The following ITSN1 variants were observed in gnomAD, a reference collection of about 807,000 sequenced individuals.
The protein encoded by ITSN1 is intersectin 1, also known as intersectin-1.
A neutral mutation model predicts 239.8 loss-of-function variants in ITSN1; 58 were observed. The observed-to-expected ratio is 0.24, with a 90% CI of 0.20 to 0.30. The LOEUF (loss-of-function observed/expected upper bound fraction) is 0.30. Ranked by LOEUF, ITSN1 falls within the 10% of genes least tolerant of loss-of-function variation. The pLI, the probability that ITSN1 is intolerant of heterozygous loss-of-function variation, is 1.00. For missense variants in ITSN1, 1,558 were observed against 2,103.3 expected, an observed-to-expected ratio of 0.74 and a Z score of 5.07; for synonymous variants, 780 against 770.8, an observed-to-expected ratio of 1.01 and a Z score of -0.20.
chr21:33,802,285 T>G (rs2072058782), intron 19 of ITSN1, 145 bp from the exon 20 acceptor site: 1 of 727,476 alleles, frequency 1.4e-6, no homozygotes, highest in Non-Finnish European at 2.4e-6. Flanking sequence ...CTTGTAATCC[T>G]AGGCCTGTTG....
Position 33,886,466 on chromosome 21 carries a change from T to A in ITSN1, c.5017+6T>A. On this transcript the variant is annotated splice_donor_region_variant and intron_variant, in intron 39 of 39. Transcript: ENST00000381318. The stretch of plus-strand genomic sequence containing the variant: ...GGACCAGTTCTCACCAGATGGTGAG[T>A]GGAACGCGGCCCTGTGGTTATTCCT... 6.4e-7 allele frequency: 1 copy of A among 1,558,452 alleles called. No homozygotes were observed. Among genetic ancestry groups the A allele is most frequent in the African/African-American group, 1.4e-5 (1 of 72,638 alleles).
chr21:33,888,058 T>A lies in ITSN1; in HGVS notation c.5018-94T>A, dbSNP rs531275683. 20 of 1,269,822 alleles carry A rather than the reference T, an allele frequency of 1.6e-5. No individual in the cohort carries two copies. The African/African-American group carries it at 2.4e-4, about 15-fold the overall frequency. 78.7% of individuals were successfully genotyped at this position (1,269,822 alleles called of 1,614,324 possible). On this transcript the variant is annotated intron_variant, in intron 39 of 39. Transcript: ENST00000381318. ...AGAGCCCAGAGAAGAAGGGAGAGCA[T>A]AACAGTTCATCAGGGGGTCCCCAAT...
chr21:33,710,321 G>A (rs537115084), intron 1 of ITSN1, among the ~76,000 whole-genome samples: 4 of 151,546 alleles, frequency 2.6e-5, no homozygotes, highest in African/African-American at 7.3e-5. Flanking sequence ...CTCGTGAACC[G>A]CCCGTCCCAA....
At chr21:33,805,039 C>T (rs745644318) in intron 20 of ITSN1, among the ~76,000 whole-genome samples, 23 of 152,114 alleles carry the variant, frequency 1.5e-4, no homozygotes, top group Non-Finnish European at 8.8e-5. Flanking sequence ...AGGGAGCTTC[C>T]AAAAAATAAC....
rs969520144 is a variant in ITSN1, at chr21:33,815,791, A to G, written c.2727+1719A>G. ...GAAGATAAAGCCAAGAAAAATGTTC[A>G]AGTTGGGCTGCATGATATTGTTCTC... On this transcript the variant is annotated intron_variant, in intron 22 of 39. Coordinates refer to ENST00000381318, the MANE Select transcript of ITSN1 (RefSeq NM_003024.3). Among the ~76,000 whole-genome samples the G allele has an allele frequency of 5.3e-5, 8 of 152,122 alleles. No individual in the cohort carries two copies. The East Asian group carries it at 1.5e-3, about 29-fold the overall frequency.
chr21:33,668,611 G>GTGGC (rs1291813460), intron 1 of ITSN1, among the ~76,000 whole-genome samples: 4 of 152,240 alleles, frequency 2.6e-5, no homozygotes, highest in Admixed American at 6.5e-5. Flanking sequence ...GCATGAAGGA[G>GTGGC]TGGCTCCATT....
intron 5 of ITSN1, among the ~76,000 whole-genome samples, chr21:33,748,298 A>T (rs752291192): frequency 3.3e-5 from 5 of 151,970 alleles, no homozygotes; most frequent in Non-Finnish European, 7.4e-5. Context: ...AAAAAATAAA[A>T]ACTTAGCTGC....
chr21:33,733,666 C>A (rs1207888638), intron 4 of ITSN1, among the ~76,000 whole-genome samples: 1 of 152,056 alleles, frequency 6.6e-6, no homozygotes, highest in East Asian at 1.9e-4. Flanking sequence ...TTTGAATAAG[C>A]AGTTCATAGA....
intron 29 of ITSN1, among the ~76,000 whole-genome samples, chr21:33,855,258 C>A (rs954891026): frequency 6.6e-6 from 1 of 152,166 alleles, no homozygotes; most frequent in South Asian, 2.1e-4. Flanking sequence ...ATCACAGATA[C>A]CCAGCCCCCA....
In ITSN1 at chr21:33,892,827, G is replaced by A. The variant is rs902007335; in HGVS notation, c.*4527G>A. 6 of 152,156 alleles carry A rather than the reference G, an allele frequency of 3.9e-5. No individual in the cohort carries two copies. Among genetic ancestry groups the A allele is most frequent in the African/African-American group, 1.2e-4 (5 of 41,442 alleles). The allele number at this position is 152,156 out of a possible 1,614,324, so 9.4% of individuals were successfully genotyped here. A position where few individuals can be genotyped will look rare whatever the true frequency, so the allele number is the denominator to read the frequency against. The stretch of plus-strand genomic sequence containing the variant: ...CTGCCTGGGCCCCTTCTAGAGGAAG[G>A]TGGGCTTTCCTTGTCCGTCAGGCTG... On this transcript the variant is annotated 3_prime_UTR_variant, in exon 40 of 40. Coordinates refer to ENST00000381318, the MANE Select transcript of ITSN1 (RefSeq NM_003024.3).
intron 1 of ITSN1, among the ~76,000 whole-genome samples, chr21:33,685,880 A>T (rs2091212554): frequency 6.6e-6 from 1 of 152,206 alleles, no homozygotes; most frequent in South Asian, 2.1e-4. Context: ...AATAATCATA[A>T]CTATTTCTCA....
Position 33,794,434 on chromosome 21 carries a change from A to G in ITSN1, c.1918A>G (p.Ile640Val). The stretch of plus-strand genomic sequence containing the variant: ...ACAGAAAGAACAAGAACGAAAGATC[A>G]TAGAATTAGAAAAACAAAAAGAAGA... Reference protein sequence around the residue: ...LKQKEQERKIIELEKQKEEAQ... With the variant: ...LKQKEQERKIVELEKQKEEAQ... The change falls in exon 17 of 40, where the codon ATA (isoleucine) becomes GTA (valine). Residue 640 changes from isoleucine (I) to valine (V), a missense_variant. Ile to Val is a conservative substitution (Grantham distance 29). This residue lies in a region of ITSN1 where 982 missense variants were observed against 1,209.9 expected (regional missense o/e 0.81). Transcript: ENST00000381318. The G allele has an allele frequency of 2.5e-6, 4 of 1,613,468 alleles. No homozygotes were observed. The highest frequency in any genetic ancestry group is 2.2e-5 in the South Asian group (2 of 90,964).
intron 28 of ITSN1, among the ~76,000 whole-genome samples, chr21:33,835,008 T>C (rs2074521572): frequency 1.3e-5 from 2 of 152,112 alleles, no homozygotes; most frequent in South Asian, 4.1e-4. Flanking sequence ...AGGGACCAAA[T>C]GAGATGCTTC....
At position 33,703,399 on chromosome 21, in the gene ITSN1, A is replaced by G. The variant is rs190416167; in HGVS notation, c.-32-15398A>G. Among the ~76,000 whole-genome samples, 85 of 152,266 alleles carry G rather than the reference A, an allele frequency of 5.6e-4. 1 individual carries two copies. The highest frequency in any genetic ancestry group is 1.9e-3 in the African/African-American group (81 of 41,574). ...AAGAAAGATTAAAGACTTCTTAAAC[A>G]TATTCTAGCTTTGGTTTAAAAATCT... On this transcript the variant is annotated intron_variant, in intron 1 of 39. Coordinates refer to ENST00000381318, the MANE Select transcript of ITSN1 (RefSeq NM_003024.3).
At chr21:33,853,713 G>A (rs1425084339) in intron 29 of ITSN1, among the ~76,000 whole-genome samples, 2 of 152,144 alleles carry the variant, frequency 1.3e-5, no homozygotes, top group Non-Finnish European at 2.9e-5. Context: ...TGGCATTTGG[G>A]GTGGGCAGTT....
At position 33,679,684 on chromosome 21, in the gene ITSN1, T is replaced by A. The variant is rs574761566; in HGVS notation, c.-33+36971T>A. 3.3e-5 allele frequency among the ~76,000 whole-genome samples: 5 copies of A among 150,834 alleles called. No homozygotes were observed. The East Asian group carries it at 5.8e-4, about 18-fold the overall frequency. On this transcript the variant is annotated intron_variant, in intron 1 of 39. Coordinates refer to ENST00000381318, the MANE Select transcript of ITSN1 (RefSeq NM_003024.3). ...AGCAGTCCTCCCTTTTTTGTGTGTT[T>A]TTTGATCCTTATCCTTTTTTTTTTT... is the stretch of plus-strand genomic sequence containing the variant.
intron 36 of ITSN1, among the ~76,000 whole-genome samples, chr21:33,884,099 G>T (rs1303922128): frequency 6.6e-6 from 1 of 151,716 alleles, no homozygotes; most frequent in Non-Finnish European, 1.5e-5. Flanking sequence ...ATGGGTTCTT[G>T]CCATGTTGCC....
rs1569318234 is a variant in ITSN1, at chr21:33,865,220, C to T, written c.3960C>T (p.Ser1320=). The T allele has an allele frequency of 5.6e-6, 9 of 1,613,806 alleles. No homozygotes were observed. Among genetic ancestry groups the T allele is most frequent in the African/African-American group, 2.7e-5 (2 of 75,032 alleles). Residue 1320 remains serine (S), a synonymous_variant, in exon 32 of 40, where the codon AGC becomes AGT. Transcript: ENST00000381318. The surrounding 1 kb of genome is among the most constrained non-coding windows in gnomAD (Gnocchi z 4.4). ...MPVKMIGDIL[S]AQLPHMQPYI... ...TGAAGATGATTGGAGACATCCTGAG[C>T]GCACAGCTGCCGCACATGCAGCCCT... is the stretch of plus-strand genomic sequence containing the variant.
intron 20 of ITSN1, among the ~76,000 whole-genome samples, chr21:33,807,774 C>G (rs528669318): frequency 6.6e-6 from 1 of 152,168 alleles, no homozygotes; most frequent in Non-Finnish European, 1.5e-5. Context: ...CACTTGAGCC[C>G]CTAAAGGATT....
Sources: allele counts gnomAD v4.1 joint callset (sites outside exome capture counted in the v4.1 genomes callset), GRCh38; gene constraint gnomAD v4.1.1; regional missense constraint gnomAD v4.1.1; non-coding constraint Gnocchi (gnomAD v3.1); transcripts MANE v1.5; gene names NCBI Gene and HGNC (gene_info 2026-07-23, HGNC 2026-07-21).